The following IL16 variants were observed in gnomAD, a reference collection of about 807,000 sequenced individuals.
The protein encoded by IL16 is interleukin 16.
IL16 carries 67 observed loss-of-function variants against 110.1 expected under a neutral mutation model. The observed-to-expected ratio is 0.61, with a 90% CI of 0.50 to 0.75. IL16 has a LOEUF of 0.75. Among genes scored for constraint, IL16 ranks in the 30% least tolerant of loss-of-function variants. The pLI is 0.00. For synonymous variants in IL16, 689 were observed against 662.9 expected, an observed-to-expected ratio of 1.04 and a Z score of -0.61; for missense variants, 1,545 against 1,655.0, an observed-to-expected ratio of 0.93 and a Z score of 1.15.
intron 12 of IL16, among the ~76,000 whole-genome samples, chr15:81,293,540 A>T (rs1184141614): frequency 6.6e-6 from 1 of 152,196 alleles, no homozygotes; most frequent in Non-Finnish European, 1.5e-5. Flanking sequence ...GTCTCTACTA[A>T]CAATACAAAA....
chr15:81,192,969 T>C (rs986408306), upstream of IL16, among the ~76,000 whole-genome samples: 2 of 152,202 alleles, frequency 1.3e-5, no homozygotes, highest in Non-Finnish European at 2.9e-5. Flanking sequence ...GCAGGCACTG[T>C]TCTAAGAACC....
rs150262385 is a variant in IL16 at position 81,185,228 on chromosome 15, C to A, written c.40+2332C>A. Among the ~76,000 whole-genome samples, 529 of 152,216 alleles carry A rather than the reference C, an allele frequency of 3.5e-3. 1 individual carries two copies. The highest frequency in any genetic ancestry group is 6.0e-3 in the Non-Finnish European group (411 of 68,020). On this transcript the variant is annotated intron_variant, in intron 1 of 18. Coordinates refer to the IL16 transcript ENST00000302987. ...TAGTTAAGAGCTATGTAATGTTGCC[C>A]GGGACAAGCATGGATATAGTTTTAT... is the stretch of plus-strand genomic sequence containing the variant.
chr15:81,233,855 T>C (rs1212726885), intron 2 of IL16, among the ~76,000 whole-genome samples: 1 of 152,020 alleles, frequency 6.6e-6, no homozygotes, highest in Non-Finnish European at 1.5e-5. Flanking sequence ...AGCTCTCAAT[T>C]ATTTGCTGAA....
chr15:81,293,459 T>A (rs1247446646), intron 12 of IL16, among the ~76,000 whole-genome samples: 4 of 152,026 alleles, frequency 2.6e-5, no homozygotes, highest in Non-Finnish European at 4.4e-5. Flanking sequence ...TCCCAGCACT[T>A]TGGGAGGCTG....
intron 4 of IL16, among the ~76,000 whole-genome samples, chr15:81,267,073 A>G (rs1364845598): frequency 1.3e-5 from 2 of 152,180 alleles, no homozygotes; most frequent in African/African-American, 2.4e-5. Context: ...GTCATACAGG[A>G]GTACACTGGA....
chr15:81,292,192 T>C (rs770252162), intron 11 of IL16: 9 of 362,392 alleles, frequency 2.5e-5, no homozygotes, highest in Admixed American at 1.1e-4. Context: ...GGCTGCCCCA[T>C]TGGACAAGGC....
intron 1 of IL16, 76 bp downstream of exon 1, chr15:81,197,228 T>C: frequency 9.9e-7 from 1 of 1,010,102 alleles, no homozygotes; most frequent in Non-Finnish European, 1.3e-6. Flanking sequence ...CTCTCTGACC[T>C]GAATGGGGAG....
chr15:81,305,831 C>T (rs957189270), intron 16 of IL16, 77 bp from the exon 17 acceptor site: 10 of 1,536,560 alleles, frequency 6.5e-6, no homozygotes, highest in Middle Eastern at 1.7e-4. Flanking sequence ...ATTGACTAAC[C>T]GGTTCAATCC....
Position 81,287,777 on chromosome 15 carries a change from G to A in IL16, c.1332+1947G>A, listed in dbSNP as rs528871548. ...GAGGGAAATCAATATATAATGGTGT[G>A]GTGGAATTCAAACCCAGCCCCATTC... On this transcript the variant is annotated intron_variant, in intron 10 of 18. Transcript: ENST00000683961. Among the ~76,000 whole-genome samples the A allele has an allele frequency of 2.0e-5, 3 of 152,316 alleles. No individual in the cohort carries two copies. In the East Asian group the frequency reaches 5.8e-4, roughly 29 times the overall value.
chr15:81,267,491 C>CACACACATACAT (rs1555420237), intron 4 of IL16, among the ~76,000 whole-genome samples: 1 of 149,604 alleles, frequency 6.7e-6, no homozygotes, highest in Non-Finnish European at 1.5e-5. Flanking sequence ...CACACACACA[C>CACACACATACAT]ACACACACAC....
intron 1 of IL16, among the ~76,000 whole-genome samples, chr15:81,202,309 A>G (rs1895847313): frequency 6.6e-6 from 1 of 152,180 alleles, no homozygotes; most frequent in African/African-American, 2.4e-5. Context: ...TGGTAGTGGA[A>G]GAACCTGTTC....
intron 5 of IL16, among the ~76,000 whole-genome samples, chr15:81,270,895 A>G (rs572532694): frequency 6.6e-6 from 1 of 152,332 alleles, no homozygotes; most frequent in Admixed American, 6.5e-5. Flanking sequence ...GAAATAAAGC[A>G]GGCTTCCCAC....
chr15:81,239,610 T>G (rs1897281584), intron 2 of IL16, among the ~76,000 whole-genome samples: 1 of 152,060 alleles, frequency 6.6e-6, no homozygotes, highest in Non-Finnish European at 1.5e-5. Flanking sequence ...AGTGATAGAG[T>G]GGGGCTGAGT....
intron 2 of IL16, among the ~76,000 whole-genome samples, chr15:81,248,512 ATTATCTTTAAAATTATAT>A (rs1028741721): frequency 8.7e-5 from 13 of 149,626 alleles, no homozygotes; most frequent in African/African-American, 2.4e-4. Context: ...ATTATTAAAA[ATTATCTTTAAAATTATAT>A]TTATCTTTAA....
chr15:81,237,019 C>T (rs948204920), intron 2 of IL16, among the ~76,000 whole-genome samples: 1 of 152,180 alleles, frequency 6.6e-6, no homozygotes, highest in Non-Finnish European at 1.5e-5. Flanking sequence ...CTCTATTTCT[C>T]AATACGGCCC....
rs28571178 is a variant in IL16, at chr15:81,269,556, C to T, written c.583C>T (p.Arg195Trp). 5.6e-4 allele frequency: 905 copies of T among 1,613,790 alleles called. 6 individuals are homozygous for T. In the African/African-American group the frequency reaches 0.011, roughly 19 times the overall value. The change falls in exon 5 of 19, where the codon CGG becomes TGG. Residue 195 changes from arginine to tryptophan, a missense_variant. Physicochemically the swap from Arg to Trp is moderately radical, Grantham distance 101 (BLOSUM62 -3). Transcript: ENST00000683961. ...GKAAGTSRPT[R>W]SLSTAQLVQP... ...GTTGCAGGGAACTTCGAGACCAACACGGTCCCTGAGCACAGCTCAGCTCGT... is the reference window on the plus strand; with the variant it reads ...GTTGCAGGGAACTTCGAGACCAACATGGTCCCTGAGCACAGCTCAGCTCGT...
exon 1 of IL16, chr15:81,182,840 C>G (rs1419896572): frequency 3.1e-6 from 4 of 1,288,796 alleles, no homozygotes; most frequent in South Asian, 2.5e-5. Context: ...CTCTCTCCCT[C>G]CCTCAAACCC....
At chr15:81,306,371 GGCCTGGGA>G in intron 17 of IL16, 41 bp from the exon 18 acceptor site, 1 of 1,606,040 alleles carries the variant, frequency 6.2e-7, no homozygotes. Flanking sequence ...GGGCATCTGT[GGCCTGGGA>G]GAGGAGAGGA....
chr15:81,184,445 T>A (rs1040501368), intron 1 of IL16, among the ~76,000 whole-genome samples: 2 of 152,114 alleles, frequency 1.3e-5, no homozygotes, highest in Admixed American at 6.5e-5. Context: ...ATCCAGGGGA[T>A]CTTATGGGGT....
Sources: allele counts gnomAD v4.1 joint callset (sites outside exome capture counted in the v4.1 genomes callset), GRCh38; gene constraint gnomAD v4.1.1; transcripts MANE v1.5; gene names NCBI Gene and HGNC (gene_info 2026-07-23, HGNC 2026-07-21).